The following KCNH1 variants were observed in gnomAD, a reference collection of about 807,000 sequenced individuals.
KCNH1 encodes the protein potassium voltage-gated channel subfamily H member 1.
Under a neutral mutation model 69.2 loss-of-function variants are expected in KCNH1, and 27 were observed. The observed-to-expected ratio is 0.39, with a 90% CI of 0.29 to 0.54. KCNH1 has a LOEUF of 0.54. KCNH1 is among the 20% of genes least tolerant of loss of function. The probability of loss-of-function intolerance (pLI) is 0.68; values close to 1 mark genes in which losing one functional copy is unlikely to be tolerated. For missense variants in KCNH1, 798 were observed against 1,261.6 expected, an observed-to-expected ratio of 0.63 and a Z score of 5.57; for synonymous variants, 456 against 487.7, an observed-to-expected ratio of 0.93 and a Z score of 0.86.
chr1:210,914,882 A>G (rs1281992530), intron 7 of KCNH1, among the ~76,000 whole-genome samples: 1 of 152,128 alleles, frequency 6.6e-6, no homozygotes, highest in African/African-American at 2.4e-5. Flanking sequence ...TTGGGGGTGG[A>G]GAGTGTCTGG....
Position 211,077,153 on chromosome 1 carries a change from T to C in KCNH1, c.558+5627A>G, listed in dbSNP as rs542972551. ...ATTTGATTGGTGTACCTGAAACTGATGGGGAGAATGGAACCAAGTTGGAAA... is the reference window on the plus strand; with the variant it reads ...ATTTGATTGGTGTACCTGAAACTGACGGGGAGAATGGAACCAAGTTGGAAA... On this transcript the variant is annotated intron_variant, in intron 5 of 10. Transcript: ENST00000271751. Among the ~76,000 whole-genome samples, 102 of 152,148 alleles carry C rather than the reference T, an allele frequency of 6.7e-4. 1 individual carries two copies. Among genetic ancestry groups the C allele is most frequent in the Admixed American group, 1.8e-3 (27 of 15,280 alleles).
chr1:210,939,471 G>C (rs75943461), intron 6 of KCNH1, among the ~76,000 whole-genome samples: 6,240 of 152,242 alleles, frequency 0.041, 197 homozygotes, highest in South Asian at 0.065. Context: ...GCATGTTCCA[G>C]ACAGAAGGAT....
chr1:210,749,382 T>C (rs1683232898), intron 10 of KCNH1, among the ~76,000 whole-genome samples: 1 of 152,144 alleles, frequency 6.6e-6, no homozygotes, highest in Non-Finnish European at 1.5e-5. Context: ...AGAGAAAACC[T>C]TGTATGGGGG....
chr1:210,859,942 TAGTTCAA>T, intron 7 of KCNH1: 1 of 1,553,266 alleles, frequency 6.4e-7, no homozygotes, highest in Non-Finnish European at 8.9e-7. Context: ...TGCATACCCA[TAGTTCAA>T]AGTTCACTTG....
chr1:211,000,370 C>T lies in KCNH1; in HGVS notation c.1032+18413G>A, dbSNP rs1055682539. Among the ~76,000 whole-genome samples the T allele has an allele frequency of 1.3e-5, 2 of 152,150 alleles. 1 individual carries two copies. Among genetic ancestry groups the T allele is most frequent in the Admixed American group, 1.3e-4 (2 of 15,264 alleles). ...CACAAGCATTCTTATACACCACTAA[C>T]AGACAAACAGAGAGCCGAATCATGA... On this transcript the variant is annotated intron_variant, in intron 6 of 10. Transcript: ENST00000271751.
At chr1:211,021,403 T>A (rs1351770187) in intron 5 of KCNH1, among the ~76,000 whole-genome samples, 1 of 152,086 alleles carries the variant, frequency 6.6e-6, no homozygotes, top group Non-Finnish European at 1.5e-5. Flanking sequence ...CCCTTTAAGA[T>A]CTGGAACTAG....
intron 5 of KCNH1, among the ~76,000 whole-genome samples, chr1:211,069,513 A>C (rs756084464): frequency 3.4e-4 from 51 of 152,180 alleles, no homozygotes; most frequent in Non-Finnish European, 5.7e-4. Flanking sequence ...AAAAGTGGAC[A>C]ATATGCAAGA....
intron 5 of KCNH1, among the ~76,000 whole-genome samples, chr1:211,026,158 A>T (rs903174427): frequency 1.2e-4 from 19 of 152,226 alleles, no homozygotes; most frequent in Non-Finnish European, 2.5e-4. Context: ...GGAAAGACAG[A>T]GAAGACATAT....
At chr1:211,130,013 C>T (rs1691848960) in intron 1 of KCNH1, among the ~76,000 whole-genome samples, 1 of 152,194 alleles carries the variant, frequency 6.6e-6, no homozygotes, top group South Asian at 2.1e-4. Flanking sequence ...AGTTTCCTGG[C>T]ACCAAGGTCT....
chr1:210,762,164 A>T (rs1201064348), intron 10 of KCNH1, among the ~76,000 whole-genome samples: 1 of 152,224 alleles, frequency 6.6e-6, no homozygotes, highest in Non-Finnish European at 1.5e-5. Context: ...AATTAAAAAA[A>T]AATTCTTCGA....
In KCNH1 at chr1:210,681,207, T is replaced by C. The variant is rs1681257269; in HGVS notation, c.*2074A>G. ...AGAATGTTAGGGGGCAGCCAACAGATGGGATTCCAGATATTTTACGGCCTC... is the reference window on the plus strand; with the variant it reads ...AGAATGTTAGGGGGCAGCCAACAGACGGGATTCCAGATATTTTACGGCCTC... On this transcript the variant is annotated 3_prime_UTR_variant, in exon 11 of 11. Coordinates refer to ENST00000271751, the MANE Select transcript of KCNH1 (RefSeq NM_172362.3). 6.6e-6 allele frequency: 1 copy of C among 152,198 alleles called. No individual in the cohort carries two copies. The highest frequency in any genetic ancestry group is 2.1e-4 in the South Asian group (1 of 4,828). 9.4% of individuals were successfully genotyped at this position (152,198 alleles called of 1,614,324 possible). A position where few individuals can be genotyped will look rare whatever the true frequency, so the allele number is the denominator to read the frequency against.
At chr1:210,861,721 G>T in intron 7 of KCNH1, 1 of 774,608 alleles carries the variant, frequency 1.3e-6, no homozygotes, top group African/African-American at 1.7e-5. Flanking sequence ...AGACTGGTCA[G>T]AAAGAAGCTG....
Position 210,678,616 on chromosome 1 carries a change from A to G in KCNH1, c.*4665T>C, listed in dbSNP as rs1164655249. The stretch of plus-strand genomic sequence containing the variant: ...GGCAGGACTCAATGGAAAGAGTATT[A>G]ATATAAGGAGAAGCCCCAGAATGAT... On this transcript the variant is annotated 3_prime_UTR_variant, in exon 11 of 11. Coordinates refer to ENST00000271751, the MANE Select transcript of KCNH1 (RefSeq NM_172362.3). 3 of 152,248 alleles carry G rather than the reference A, an allele frequency of 2.0e-5. No homozygotes were observed. The highest frequency in any genetic ancestry group is 2.9e-5 in the Non-Finnish European group (2 of 68,054). The allele number at this position is 152,248 out of a possible 1,614,324, so 9.4% of individuals were successfully genotyped here.
chr1:211,008,471 T>A (rs1689326613), intron 6 of KCNH1, among the ~76,000 whole-genome samples: 2 of 152,198 alleles, frequency 1.3e-5, no homozygotes, highest in Admixed American at 1.3e-4. Context: ...ACTGAAACAA[T>A]TAATACTACA....
chr1:210,769,663 T>G (rs1182034104), intron 10 of KCNH1, among the ~76,000 whole-genome samples: 1 of 152,254 alleles, frequency 6.6e-6, no homozygotes, highest in East Asian at 1.9e-4. Context: ...TGACTGCTGT[T>G]AATTACCTAA....
chr1:210,699,834 G>A (rs1184567277), intron 10 of KCNH1, among the ~76,000 whole-genome samples: 1 of 152,184 alleles, frequency 6.6e-6, no homozygotes, highest in Non-Finnish European at 1.5e-5. Flanking sequence ...GGACGCTGAG[G>A]CACCAAGGTG....
At chr1:210,985,693 T>C (rs2102383244) in intron 6 of KCNH1, among the ~76,000 whole-genome samples, 1 of 152,300 alleles carries the variant, frequency 6.6e-6, no homozygotes, top group East Asian at 1.9e-4. Context: ...GAGGAGTGCT[T>C]TACTTCCAAC....
At chr1:210,955,360 G>T (rs889336968) in intron 6 of KCNH1, among the ~76,000 whole-genome samples, 2 of 152,116 alleles carry the variant, frequency 1.3e-5, no homozygotes, top group Non-Finnish European at 2.9e-5. Context: ...TGTTCTTTTG[G>T]CTTAGGATTG....
At chr1:210,987,780 T>G (rs1003328748) in intron 6 of KCNH1, among the ~76,000 whole-genome samples, 5 of 152,206 alleles carry the variant, frequency 3.3e-5, no homozygotes, top group Non-Finnish European at 1.5e-5. Flanking sequence ...TCAAGCTGCA[T>G]GCTGGGAGAA....
Sources: allele counts gnomAD v4.1 joint callset (sites outside exome capture counted in the v4.1 genomes callset), GRCh38; gene constraint gnomAD v4.1.1; transcripts MANE v1.5; gene names NCBI Gene and HGNC (gene_info 2026-07-23, HGNC 2026-07-21).